Variants in DGKK observed in about 807,000 individuals in gnomAD.
DGKK encodes the protein diacylglycerol kinase kappa.
Under a neutral mutation model 92.2 loss-of-function variants are expected in DGKK, and 35 were observed. The ratio of observed to expected loss-of-function variants is 0.38; its 90% confidence interval spans 0.29 to 0.50. DGKK has a LOEUF of 0.50. DGKK is among the 20% of genes least tolerant of loss of function. The probability of loss-of-function intolerance (pLI) is 0.92; values close to 1 mark genes in which losing one functional copy is unlikely to be tolerated. For synonymous variants in DGKK, 368 were observed against 360.6 expected, an observed-to-expected ratio of 1.02 and a Z score of -0.23; for missense variants, 910 against 992.2, an observed-to-expected ratio of 0.92 and a Z score of 1.11.
At chrX:50,456,279 A>G (rs782777086) in intron 1 of DGKK, among the ~76,000 whole-genome samples, 1 of 111,808 alleles carries the variant, frequency 8.9e-6, no homozygotes, top group Admixed American at 9.4e-5. Flanking sequence ...GCTATTTTAG[A>G]TAAAACTTGG....
chrX:50,391,051 G>A (rs1924677479), intron 11 of DGKK, among the ~76,000 whole-genome samples: 1 of 111,490 alleles, frequency 9.0e-6, no homozygotes. Context: ...ACCCTTGAAC[G>A]TTATCCATGG....
chrX:50,464,330 T>C (rs1557233738), intron 1 of DGKK, among the ~76,000 whole-genome samples: 1 of 58,124 alleles, frequency 1.7e-5, no homozygotes, highest in East Asian at 3.7e-4. Flanking sequence ...ATAAGGTTTA[T>C]GCTCTTTAGT....
At chrX:50,403,697 T>C in intron 5 of DGKK, 100 bp from the exon 6 acceptor site, 1 of 660,763 alleles carries the variant, frequency 1.5e-6, no homozygotes. Context: ...CACAGATGCA[T>C]TCTAAATAGT....
At chrX:50,448,710 G>A (rs1310006043) in intron 1 of DGKK, among the ~76,000 whole-genome samples, 1 of 111,388 alleles carries the variant, frequency 9.0e-6, no homozygotes, top group Non-Finnish European at 1.9e-5. Flanking sequence ...TCCCTTAATA[G>A]TGGTGACTCA....
At chrX:50,447,402 TATATATAA>T (rs1926382352) in intron 1 of DGKK, among the ~76,000 whole-genome samples, 1 of 15,359 alleles carries the variant, frequency 6.5e-5, no homozygotes, top group Non-Finnish European at 8.6e-5. Context: ...ATATTATATA[TATATATAA>T]TATATATATA....
At chrX:50,404,379 C>T (rs1209069081) in intron 4 of DGKK, among the ~76,000 whole-genome samples, 195 bp from the exon 5 acceptor site, 3 of 108,409 alleles carry the variant, frequency 2.8e-5, no homozygotes, top group African/African-American at 1.0e-4. Flanking sequence ...TTTTGCCAGT[C>T]GTTTCAAAAA....
At chrX:50,454,263 G>T (rs4826632) in intron 1 of DGKK, among the ~76,000 whole-genome samples, 49,691 of 109,839 alleles carry the variant, frequency 0.45, 9,722 homozygotes, top group African/African-American at 0.76. Flanking sequence ...TTGTATACTT[G>T]GTCTTATTTC....
At chrX:50,372,518 C>T (rs1321672868) in intron 25 of DGKK, among the ~76,000 whole-genome samples, 4 of 111,934 alleles carry the variant, frequency 3.6e-5, no homozygotes, top group Non-Finnish European at 3.8e-5. Flanking sequence ...CAACTTTCTC[C>T]TCCTGGAAAA....
At chrX:50,389,665 T>C (rs1464608713) in intron 12 of DGKK, among the ~76,000 whole-genome samples, 1 of 112,006 alleles carries the variant, frequency 8.9e-6, no homozygotes, top group African/African-American at 3.2e-5. Flanking sequence ...AGGCCCTTTC[T>C]GGCCTGGCCC....
At chrX:50,426,110 T>C (rs1925731407) in intron 1 of DGKK, among the ~76,000 whole-genome samples, 1 of 112,168 alleles carries the variant, frequency 8.9e-6, no homozygotes, top group African/African-American at 3.2e-5. Flanking sequence ...ATCTCTGCCC[T>C]TTTCCCAACT....
chrX:50,405,203 T>A (rs144703132), intron 4 of DGKK, among the ~76,000 whole-genome samples: 242 of 112,085 alleles, frequency 2.2e-3, no homozygotes, highest in African/African-American at 7.5e-3. Flanking sequence ...TTTGTTAATG[T>A]GCCTTAACAT....
In DGKK at chrX:50,470,767, G is replaced by A. The variant is rs1003598650; in HGVS notation, c.-89C>T. 57 of 1,004,613 alleles carry A rather than the reference G, an allele frequency of 5.7e-5. No homozygotes were observed. The highest frequency in any genetic ancestry group is 7.8e-5 in the Admixed American group (2 of 25,634). 82.8% of individuals were successfully genotyped at this position (1,004,613 alleles called of 1,213,427 possible). On this transcript the variant is annotated 5_prime_UTR_variant, in exon 1 of 28. Coordinates refer to ENST00000611977, the MANE Select transcript of DGKK (RefSeq NM_001013742.4). ...CGGGCGCCCCGCCCACTCCAGTCCG[G>A]CAGCCCCTCGCAGGGTGCCAAACTT...
intron 1 of DGKK, among the ~76,000 whole-genome samples, chrX:50,462,916 T>A (rs1389648914): frequency 3.5e-4 from 14 of 39,907 alleles, no homozygotes; most frequent in African/African-American, 1.3e-3. Flanking sequence ...TTTTTTTTTT[T>A]AATGAAACAG....
chrX:50,366,762 A>C lies in DGKK; in HGVS notation c.*2178T>G, dbSNP rs1377333524. The C allele has an allele frequency of 1.8e-5, 2 of 111,672 alleles. No individual in the cohort carries two copies. Among genetic ancestry groups the C allele is most frequent in the Admixed American group, 1.9e-4 (2 of 10,530 alleles). The allele number at this position is 111,672 out of a possible 1,213,427, so 9.2% of individuals were successfully genotyped here. A position where few individuals can be genotyped will look rare whatever the true frequency, so the allele number is the denominator to read the frequency against. On this transcript the variant is annotated 3_prime_UTR_variant, in exon 28 of 28. Transcript: ENST00000611977. ...CTCTGTGAGTGTGTGTGCAGGTGTC[A>C]ATGCATGCAGCCATAGAGGAGCCAA...
At position 50,375,046 on chromosome X, in the gene DGKK, T is replaced by C; in HGVS notation, c.3426A>G (p.Arg1142=). The C allele has an allele frequency of 1.7e-6, 2 of 1,204,468 alleles. No individual in the cohort carries two copies. The highest frequency in any genetic ancestry group is 2.2e-6 in the Non-Finnish European group (2 of 889,889). ...ASCIPIETLS[R]NDAVDVTFSL... is the part of the protein sequence containing the mutation. Reference sequence around the variant, plus strand: ...TAAATGTAACATCTACGGCATCATTTCTGCTTAGAGTCTGAGAGGAAAAGA... The same window carrying C: ...TAAATGTAACATCTACGGCATCATTCCTGCTTAGAGTCTGAGAGGAAAAGA... The change falls in exon 25 of 28, where the codon AGA becomes AGG. Residue 1142 remains arginine, a synonymous_variant. Coordinates refer to ENST00000611977, the MANE Select transcript of DGKK (RefSeq NM_001013742.4).
At chrX:50,442,476 A>G (rs938679148) in intron 1 of DGKK, among the ~76,000 whole-genome samples, 7 of 110,632 alleles carry the variant, frequency 6.3e-5, no homozygotes, top group South Asian at 3.9e-4. Context: ...AAGAAACAAC[A>G]CTATTTCAGG....
intron 8 of DGKK, among the ~76,000 whole-genome samples, chrX:50,397,783 G>A (rs1924892241): frequency 1.8e-5 from 2 of 111,990 alleles, no homozygotes; most frequent in African/African-American, 6.5e-5. Context: ...TCTTGACTGT[G>A]TGTATACCGT....
intron 1 of DGKK, among the ~76,000 whole-genome samples, chrX:50,455,987 G>A (rs782122730): frequency 8.1e-4 from 91 of 112,045 alleles, no homozygotes; most frequent in African/African-American, 2.8e-3. Flanking sequence ...AATGTGAAAG[G>A]TGTCCCATTA....
At chrX:50,416,343 G>A (rs1390011915) in intron 4 of DGKK, among the ~76,000 whole-genome samples, 2 of 112,283 alleles carry the variant, frequency 1.8e-5, no homozygotes, top group East Asian at 5.6e-4. Context: ...TAATCGAGAA[G>A]TCATATATGT....
Sources: allele counts gnomAD v4.1 joint callset (sites outside exome capture counted in the v4.1 genomes callset), GRCh38; gene constraint gnomAD v4.1.1; transcripts MANE v1.5; gene names NCBI Gene and HGNC (gene_info 2026-07-23, HGNC 2026-07-21).